Variants in UMOD observed in about 807,000 individuals in gnomAD.
UMOD encodes the protein uromodulin.
In UMOD, 64 loss-of-function variants were observed where a neutral mutation model predicts 66.0. The observed-to-expected ratio is 0.97, with a 90% CI of 0.79 to 1.19. The LOEUF (loss-of-function observed/expected upper bound fraction) is 1.19. UMOD is among the 50% of genes most tolerant of loss of function. The pLI is 0.00. For missense variants in UMOD, 764 were observed against 850.9 expected, an observed-to-expected ratio of 0.90 and a Z score of 1.27; for synonymous variants, 398 against 352.7, an observed-to-expected ratio of 1.13 and a Z score of -1.44.
chr16:20,335,550 T>C (rs975570366), intron 9 of UMOD, 30 bp from the exon 10 acceptor site: 1 of 1,611,222 alleles, frequency 6.2e-7, no homozygotes, highest in Non-Finnish European at 8.5e-7. Flanking sequence ...GATCAGTGAA[T>C]AAAGAATGCA....
chr16:20,355,107 G>T (rs533701838), upstream of UMOD, among the ~76,000 whole-genome samples: 6 of 151,994 alleles, frequency 3.9e-5, no homozygotes, highest in African/African-American at 1.4e-4. Flanking sequence ...TGCTCTCTTT[G>T]CTTCCTGACC....
chr16:20,341,559 G>A (rs146226637), intron 6 of UMOD, among the ~76,000 whole-genome samples: 2 of 152,294 alleles, frequency 1.3e-5, no homozygotes, highest in East Asian at 1.9e-4. Flanking sequence ...GAGTATTGGG[G>A]TGGGGCTCAA....
rs772012195 is a variant in UMOD, at chr16:20,333,420, T to G, written c.1862-45A>C. On this transcript the variant is annotated intron_variant, in intron 10 of 10. Transcript: ENST00000396138. The stretch of plus-strand genomic sequence containing the variant: ...AGGGCAACTGCTAGTACTGCTGTAC[T>G]TTTGTGCAAATTAACATAAGCTGCC... 49 of 1,573,618 alleles carry G rather than the reference T, an allele frequency of 3.1e-5. No homozygotes were observed. The Admixed American group carries it at 3.5e-4, about 11-fold the overall frequency.
upstream of UMOD, among the ~76,000 whole-genome samples, chr16:20,353,686 A>T (rs1217229097): frequency 6.6e-6 from 1 of 152,220 alleles, no homozygotes; most frequent in Non-Finnish European, 1.5e-5. Context: ...AGTGGCTGTC[A>T]TCATGTTGAG....
chr16:20,336,961 G>C (rs575820185), intron 8 of UMOD, among the ~76,000 whole-genome samples: 18 of 152,316 alleles, frequency 1.2e-4, no homozygotes, highest in African/African-American at 4.3e-4. Context: ...TGAGGAAAGG[G>C]AACCAGTAAT....
At chr16:20,346,856 C>T (rs115015222) in intron 4 of UMOD, among the ~76,000 whole-genome samples, 2,546 of 149,488 alleles carry the variant, frequency 0.017, 67 homozygotes, top group African/African-American at 0.061. Flanking sequence ...TACCCTAGAA[C>T]GTGAAGTATA....
In UMOD at chr16:20,340,144, C is replaced by T. The variant is rs572523730; in HGVS notation, c.1577+947G>A. On this transcript the variant is annotated intron_variant, in intron 7 of 10. Transcript: ENST00000396138. Reference sequence around the variant, plus strand: ...TCCTCAGAAATAATACTTTTAAATGCCTAAAATAAAATATTTAAAAGATTA... The same window carrying T: ...TCCTCAGAAATAATACTTTTAAATGTCTAAAATAAAATATTTAAAAGATTA... Among the ~76,000 whole-genome samples, 76 of 152,102 alleles carry T rather than the reference C, an allele frequency of 5.0e-4. No individual in the cohort carries two copies. The Middle Eastern group carries it at 0.024, about 48-fold the overall frequency.
chr16:20,349,391 C>T (rs1388120885), intron 2 of UMOD, among the ~76,000 whole-genome samples, 179 bp from the exon 3 acceptor site: 1 of 152,198 alleles, frequency 6.6e-6, no homozygotes, highest in African/African-American at 2.4e-5. Context: ...AAGCCTCCAC[C>T]GTTCATTCTG....
Position 20,348,419 on chromosome 16 carries a change from G to A in UMOD, c.865+17C>T, listed in dbSNP as rs1965706244. The A allele has an allele frequency of 2.5e-6, 4 of 1,613,924 alleles. No individual in the cohort carries two copies. Among genetic ancestry groups the A allele is most frequent in the Non-Finnish European group, 3.4e-6 (4 of 1,180,048 alleles). On this transcript the variant is annotated intron_variant, in intron 3 of 10. Transcript: ENST00000396138. ...TTCCAGGCCTGGGATGAGGACTGTG[G>A]GGAGACTCCGGCTGACCTGTGCAGT...
chr16:20,348,376 C>T (rs924268479), intron 3 of UMOD, 46 bp from the exon 4 acceptor site: 19 of 1,613,800 alleles, frequency 1.2e-5, no homozygotes, highest in African/African-American at 2.7e-5. Flanking sequence ...GGACGCACCC[C>T]CGTCCTCTGC....
chr16:20,337,684 G>A lies in UMOD; in HGVS notation c.1578-231C>T, dbSNP rs535471957. 4.3e-4 allele frequency among the ~76,000 whole-genome samples: 65 copies of A among 152,338 alleles called. 1 individual carries two copies. The South Asian group carries it at 0.013, about 31-fold the overall frequency. ...AATTTCTCAAAGTGCGTAGAACTGT[G>A]TGTAGCATGCCATAGGTGCTTTATA... On this transcript the variant is annotated intron_variant, in intron 7 of 10. Transcript: ENST00000396138.
Position 20,348,872 on chromosome 16 carries a change from C to A in UMOD, c.429G>T (p.Gly143=). Residue 143 remains glycine (G), a synonymous_variant, in exon 3 of 11, where the codon GGG becomes GGT. Transcript: ENST00000396138. ...GGGAGCACTCACAGTGCCATCCATC[C>A]CCCCGGTAGCCCGCGGGGCATACGC... The part of the protein sequence containing the change: ...YLCVCPAGYR[G]DGWHCECSPG... 6.5e-7 allele frequency: 1 copy of A among 1,549,994 alleles called. No individual in the cohort carries two copies. The highest frequency in any genetic ancestry group is 8.7e-7 in the Non-Finnish European group (1 of 1,147,694).
chr16:20,343,883 T>G, intron 6 of UMOD, 141 bp downstream of exon 6: 1 of 965,528 alleles, frequency 1.0e-6, no homozygotes, highest in Non-Finnish European at 1.6e-6. Flanking sequence ...GCTCCAGAAT[T>G]CCTGGCTCTT....
rs979558113 is a variant in UMOD at position 20,344,126 on chromosome 16, T to C, written c.1229A>G (p.Asp410Gly). The C allele has an allele frequency of 1.2e-6, 2 of 1,612,516 alleles. No individual in the cohort carries two copies. Among genetic ancestry groups the C allele is most frequent in the African/African-American group, 2.7e-5 (2 of 74,620 alleles). Residue 410 changes from aspartate (D) to glycine (G), a missense_variant, in exon 6 of 11, where the codon GAT becomes GGT. Coordinates refer to ENST00000396138, the MANE Select transcript of UMOD (RefSeq NM_003361.4). ...GTTGAGGTCACGGATGATGATCTCA[T>C]CTGCCAGGTAGAGGGTGTTGCTGTA... ...ATYSNTLYLA[D>G]EIIIRDLNIK...
chr16:20,353,760 CT>C (rs11363409), upstream of UMOD, among the ~76,000 whole-genome samples: 23,320 of 147,282 alleles, frequency 0.16, 1,867 homozygotes, highest in East Asian at 0.26. Context: ...CTGCATTGAT[CT>C]TTTTTTTTTT....
Position 20,346,109 on chromosome 16 carries a change from C to T in UMOD, c.1182+17G>A. On this transcript the variant is annotated intron_variant, in intron 5 of 10. Transcript: ENST00000396138. ...CAGGCAGTGCTCTGGTTCTGTCCCCCACTGGCCAGGACGTACCGTCAACAC... is the reference window on the plus strand; with the variant it reads ...CAGGCAGTGCTCTGGTTCTGTCCCCTACTGGCCAGGACGTACCGTCAACAC... 1 of 1,611,400 alleles carries T rather than the reference C, an allele frequency of 6.2e-7. No individual in the cohort carries two copies. Among genetic ancestry groups the T allele is most frequent in the Non-Finnish European group, 8.5e-7 (1 of 1,178,510 alleles).
chr16:20,354,550 C>T (rs982614693), upstream of UMOD, among the ~76,000 whole-genome samples: 3 of 151,496 alleles, frequency 2.0e-5, no homozygotes, highest in Admixed American at 1.3e-4. Context: ...CTGAACTAGT[C>T]GTTTTTATCC....
chr16:20,348,829 C>T lies in UMOD; in HGVS notation c.472G>A (p.Gly158Arg), dbSNP rs1239315488. Residue 158 changes from glycine (G) to arginine (R), a missense_variant, in exon 3 of 11, where the codon GGG becomes AGG. Transcript: ENST00000396138. ...CECSPGSCGP[G>R]LDCVPEGDAL... ...TCGCCCTCGGGCACGCAGTCCAACC[C>T]CGGCCCGCAGGAGCCCGGGGAGCAC... 4.5e-6 allele frequency: 7 copies of T among 1,546,820 alleles called. No individual in the cohort carries two copies. The highest frequency in any genetic ancestry group is 2.4e-5 in the East Asian group (1 of 40,922).
chr16:20,337,700 G>A (rs980340330), intron 7 of UMOD, among the ~76,000 whole-genome samples: 3 of 152,158 alleles, frequency 2.0e-5, no homozygotes, highest in African/African-American at 4.8e-5. Context: ...CATGCCATAG[G>A]TGCTTTATAT....
Sources: gnomAD v4.1 joint callset for allele counts (sites outside exome capture counted in the v4.1 genomes callset) on GRCh38, gnomAD v4.1.1 for gene constraint, MANE v1.5 for transcripts, NCBI Gene and HGNC (gene_info 2026-07-23, HGNC 2026-07-21) for gene names.